Variants in SUPT3H observed in about 807,000 individuals in gnomAD.
SUPT3H encodes the protein SPT3 homolog, SAGA and STAGA complex component.
In SUPT3H, 44 loss-of-function variants were observed where a neutral mutation model predicts 44.3. The ratio of observed to expected loss-of-function variants is 0.99; its 90% confidence interval spans 0.78 to 1.28. SUPT3H has a LOEUF of 1.28. Ranked by LOEUF, SUPT3H falls within the 50% of genes most tolerant of loss-of-function variation. The pLI is 0.00. For synonymous variants in SUPT3H, 124 were observed against 125.6 expected (o/e 0.99, Z 0.09); for missense variants, 380 against 387.1 (o/e 0.98, Z 0.15).
chr6:45,075,605 C>G (rs538991798), intron 3 of SUPT3H, among the ~76,000 whole-genome samples: 2 of 152,192 alleles, frequency 1.3e-5, no homozygotes, highest in African/African-American at 4.8e-5. Context: ...ACTGTTGTTA[C>G]AGATCTTTCA....
At chr6:45,171,786 C>T (rs545495513) in intron 2 of SUPT3H, among the ~76,000 whole-genome samples, 3 of 120,206 alleles carry the variant, frequency 2.5e-5, no homozygotes, top group African/African-American at 9.7e-5. Context: ...GGTGTGATCT[C>T]GGCTCACTGC....
chr6:44,820,164 A>G (rs1168503144), intron 11 of SUPT3H, among the ~76,000 whole-genome samples: 1 of 152,192 alleles, frequency 6.6e-6, no homozygotes, highest in Non-Finnish European at 1.5e-5. Context: ...GGTTGCGGTG[A>G]GCCAGGATCA....
intron 3 of SUPT3H, among the ~76,000 whole-genome samples, chr6:45,058,039 G>GT (rs1184085582): frequency 6.6e-6 from 1 of 152,068 alleles, no homozygotes; most frequent in East Asian, 1.9e-4. Context: ...TAAGTTAAAA[G>GT]TATCTTTTTA....
rs556652461 is a variant in SUPT3H, at chr6:45,106,540, T to C, written c.102-534A>G. Among the ~76,000 whole-genome samples the C allele has an allele frequency of 2.0e-5, 3 of 151,988 alleles. No homozygotes were observed. The South Asian group carries it at 6.2e-4, about 32-fold the overall frequency. On this transcript the variant is annotated intron_variant, in intron 2 of 10. Transcript: ENST00000371459. ...TTTCTGGATTCGTACAGTTTTTATT[T>C]TTTTTATTTTTTTTGAGACAGAGTC... is the stretch of plus-strand genomic sequence containing the variant.
intron 10 of SUPT3H, among the ~76,000 whole-genome samples, chr6:44,843,914 C>A (rs145336227): frequency 0.081 from 3,712 of 45,846 alleles, 165 homozygotes; most frequent in African/African-American, 0.24. Flanking sequence ...AACACACACA[C>A]ACACACACAC....
chr6:44,879,581 G>C (rs567296250), intron 10 of SUPT3H, among the ~76,000 whole-genome samples: 2 of 150,656 alleles, frequency 1.3e-5, no homozygotes, highest in African/African-American at 4.8e-5. Flanking sequence ...CTCTGCCAAG[G>C]GACAGGCTGC....
rs1459418153 is a variant in SUPT3H, at chr6:45,288,423, G to A, written c.101+76778C>T. Among the ~76,000 whole-genome samples the A allele has an allele frequency of 5.9e-5, 9 of 151,422 alleles. No homozygotes were observed. In the East Asian group the frequency reaches 1.4e-3, roughly 23 times the overall value. Reference sequence around the variant, plus strand: ...TCACATATTCAAACATAATAACTATGCAATGCTGATTTAGAATATAGATGG... The same window carrying A: ...TCACATATTCAAACATAATAACTATACAATGCTGATTTAGAATATAGATGG... On this transcript the variant is annotated intron_variant, in intron 2 of 10. Coordinates refer to ENST00000371459, the MANE Select transcript of SUPT3H (RefSeq NM_003599.4).
chr6:44,842,183 A>G (rs1344580128), intron 10 of SUPT3H, among the ~76,000 whole-genome samples: 1 of 152,148 alleles, frequency 6.6e-6, no homozygotes, highest in Non-Finnish European at 1.5e-5. Context: ...GGGAACATTG[A>G]GAATGACTTG....
intron 2 of SUPT3H, among the ~76,000 whole-genome samples, chr6:45,147,483 A>G (rs528553915): frequency 6.6e-6 from 1 of 152,270 alleles, no homozygotes; most frequent in South Asian, 2.1e-4. Context: ...CAAAGAACTT[A>G]GACTTCAGCG....
At chr6:45,160,407 T>A (rs1406442748) in intron 2 of SUPT3H, among the ~76,000 whole-genome samples, 1 of 152,084 alleles carries the variant, frequency 6.6e-6, no homozygotes, top group Non-Finnish European at 1.5e-5. Flanking sequence ...CAGTCTAAAA[T>A]TAGATGACCA....
chr6:44,815,315 G>T (rs1766835109), intron 11 of SUPT3H, among the ~76,000 whole-genome samples: 2 of 152,130 alleles, frequency 1.3e-5, no homozygotes, highest in Admixed American at 6.6e-5. Flanking sequence ...ATGTTAAGGA[G>T]TTATGATGAG....
intron 2 of SUPT3H, among the ~76,000 whole-genome samples, chr6:45,245,490 A>G (rs1317511477): frequency 2.0e-5 from 3 of 152,134 alleles, no homozygotes; most frequent in Non-Finnish European, 4.4e-5. Context: ...TTCTGTCACT[A>G]TGAATTTGAC....
chr6:44,856,318 A>G (rs1238675357), intron 10 of SUPT3H, among the ~76,000 whole-genome samples: 2 of 152,222 alleles, frequency 1.3e-5, no homozygotes, highest in African/African-American at 4.8e-5. Flanking sequence ...CTCAGAGACG[A>G]CACACTAATT....
At chr6:44,965,069 T>C (rs1268077533) in intron 6 of SUPT3H, among the ~76,000 whole-genome samples, 1 of 152,200 alleles carries the variant, frequency 6.6e-6, no homozygotes, top group Non-Finnish European at 1.5e-5. Flanking sequence ...ATTGTCTTAC[T>C]AAAACATGTC....
intron 2 of SUPT3H, among the ~76,000 whole-genome samples, chr6:45,161,264 T>C (rs1219096591): frequency 6.6e-6 from 1 of 152,142 alleles, no homozygotes; most frequent in East Asian, 1.9e-4. Context: ...ACTAACACAG[T>C]AATGTTTATC....
chr6:45,230,686 A>ATATATTTTTTT (rs796866510), intron 2 of SUPT3H, among the ~76,000 whole-genome samples: 19 of 116,796 alleles, frequency 1.6e-4, no homozygotes, highest in African/African-American at 6.0e-4. Flanking sequence ...ATATATATAT[A>ATATATTTTTTT]TTTTTGAGAT....
chr6:44,888,308 A>G (rs1452229712), intron 10 of SUPT3H, among the ~76,000 whole-genome samples: 3 of 152,178 alleles, frequency 2.0e-5, no homozygotes, highest in Non-Finnish European at 4.4e-5. Context: ...CAGAGACACA[A>G]CAAAAAAAGA....
chr6:45,280,700 T>C (rs138643950), intron 2 of SUPT3H, among the ~76,000 whole-genome samples: 12 of 152,352 alleles, frequency 7.9e-5, no homozygotes, highest in African/African-American at 2.6e-4. Context: ...AAAAGGTCTA[T>C]TGTGGATAAG....
chr6:45,145,490 C>A (rs1270273710), intron 2 of SUPT3H, among the ~76,000 whole-genome samples: 1 of 152,022 alleles, frequency 6.6e-6, no homozygotes, highest in Non-Finnish European at 1.5e-5. Flanking sequence ...GCTGGATCTT[C>A]ATCTTTCACC....
Sources: allele counts gnomAD v4.1 joint callset (sites outside exome capture counted in the v4.1 genomes callset), GRCh38; gene constraint gnomAD v4.1.1; transcripts MANE v1.5; gene names NCBI Gene and HGNC (gene_info 2026-07-23, HGNC 2026-07-21).